The following SPTB variants were observed in gnomAD, a reference collection of about 807,000 sequenced individuals.
SPTB encodes the protein spectrin beta, erythrocytic.
SPTB carries 45 observed loss-of-function variants against 256.2 expected under a neutral mutation model. That is an observed-to-expected ratio of 0.18 (90% CI 0.14 to 0.23). The LOEUF (loss-of-function observed/expected upper bound fraction) is 0.23, where lower values mean the gene tolerates loss of function less well. Ranked by LOEUF, SPTB falls within the 10% of genes least tolerant of loss-of-function variation. The pLI is 1.00. For synonymous variants in SPTB, 1,231 were observed against 1,243.1 expected, an observed-to-expected ratio of 0.99 and a Z score of 0.21; for missense variants, 2,715 against 3,040.4, an observed-to-expected ratio of 0.89 and a Z score of 2.52.
chr14:64,879,884 A>G lies in SPTB; in HGVS notation c.-144T>C. ...GAGGGCAGCGCGGGGCTCCTGGCAC[A>G]GCGGCCGCCGGGCGCCTGGTGCTGC... is the stretch of plus-strand genomic sequence containing the variant. On this transcript the variant is annotated 5_prime_UTR_variant, in exon 1 of 36. Coordinates refer to ENST00000644917, the MANE Select transcript of SPTB (RefSeq NM_001355436.2). The G allele has an allele frequency of 6.5e-6, 1 of 153,160 alleles. No individual in the cohort carries two copies. Among genetic ancestry groups the G allele is most frequent in the Non-Finnish European group, 1.5e-5 (1 of 68,580 alleles). 9.5% of individuals were successfully genotyped at this position (153,160 alleles called of 1,614,324 possible).
At position 64,764,472 on chromosome 14, in the gene SPTB, AT is replaced by A. The variant is rs200242276; in HGVS notation, c.6345+2253del. On this transcript the variant is annotated intron_variant, in intron 32 of 35. Coordinates refer to ENST00000644917, the MANE Select transcript of SPTB (RefSeq NM_001355436.2). The surrounding 1 kb of genome is among the most constrained non-coding windows in gnomAD (Gnocchi z 4.2). ...GTACCGGGCACAAGCCAGTCTTCCCATCTGCTGGAGTGGCTGGCTCTCCGGA... is the reference window on the plus strand; with the variant it reads ...GTACCGGGCACAAGCCAGTCTTCCCACTGCTGGAGTGGCTGGCTCTCCGGA... Among the ~76,000 whole-genome samples the A allele has an allele frequency of 0.01, 1,549 of 152,290 alleles. 22 individuals are homozygous for A. Among genetic ancestry groups the A allele is most frequent in the African/African-American group, 0.036 (1,485 of 41,538 alleles).
In SPTB at chr14:64,772,524, G is replaced by T; in HGVS notation, c.5553+56C>A. 1 of 1,593,594 alleles carries T rather than the reference G, an allele frequency of 6.3e-7. No homozygotes were observed. The highest frequency in any genetic ancestry group is 1.1e-5 in the South Asian group (1 of 89,896). Reference sequence around the variant, plus strand: ...TCCTGCTGACAGCCAGGTGGGGACTGACACCCAGGGCTCCTGGAAATTGGT... The same window carrying T: ...TCCTGCTGACAGCCAGGTGGGGACTTACACCCAGGGCTCCTGGAAATTGGT... On this transcript the variant is annotated intron_variant, in intron 26 of 35. Transcript: ENST00000644917. This position sits in a 1 kb window ranked among gnomAD's most constrained non-coding sequence, Gnocchi z 5.4.
chr14:64,794,761 TG>T, intron 12 of SPTB, 144 bp from the exon 13 acceptor site: 1 of 1,055,660 alleles, frequency 9.5e-7, no homozygotes, highest in Non-Finnish European at 1.4e-6. Context: ...CTGCTGAGGA[TG>T]GAAGAAGCTC....
intron 1 of SPTB, among the ~76,000 whole-genome samples, chr14:64,860,205 T>C (rs1460565427): frequency 1.3e-5 from 2 of 152,190 alleles, no homozygotes; most frequent in South Asian, 2.1e-4. Flanking sequence ...AAAGAAAGTA[T>C]ATTCACACCC....
In SPTB at chr14:64,785,948, AT is replaced by A; in HGVS notation, c.3564del (p.Glu1188AspfsTer38). ...KQAEAILSNQEYTLAHLEPPD... is the reference protein window; with the variant it reads ...KQAEAILSNQXYTLAHLEPPD... ...GGGGGCTCCAAGTGAGCCAGAGTGT[AT>A]TCCTGTTGGAACAAGTTTCCAGACA... is the stretch of plus-strand genomic sequence containing the variant. On this transcript the variant is annotated frameshift_variant and splice_region_variant, in exon 17 of 36. Coordinates refer to ENST00000644917, the MANE Select transcript of SPTB (RefSeq NM_001355436.2). LOFTEE classifies it high-confidence loss of function. The surrounding 1 kb of genome is among the most constrained non-coding windows in gnomAD (Gnocchi z 4.4). 1 of 1,614,016 alleles carries A rather than the reference AT, an allele frequency of 6.2e-7. No individual in the cohort carries two copies. The highest frequency in any genetic ancestry group is 8.5e-7 in the Non-Finnish European group (1 of 1,180,018).
intron 1 of SPTB, among the ~76,000 whole-genome samples, chr14:64,864,977 G>A (rs1005050809): frequency 6.6e-6 from 1 of 152,140 alleles, no homozygotes; most frequent in Non-Finnish European, 1.5e-5. Flanking sequence ...AAATAAGGGA[G>A]CTGAACAAGA....
intron 15 of SPTB, among the ~76,000 whole-genome samples, chr14:64,788,770 C>T (rs955395852): frequency 2.0e-5 from 3 of 152,178 alleles, no homozygotes; most frequent in South Asian, 2.1e-4. Flanking sequence ...ACACTTGCCC[C>T]CTCCACTGCA....
chr14:64,879,549 C>T (rs976570456), intron 1 of SPTB, among the ~76,000 whole-genome samples: 1 of 152,212 alleles, frequency 6.6e-6, no homozygotes, highest in African/African-American at 2.4e-5. Context: ...GCACCAAGTG[C>T]CTCGGACGCC....
intron 1 of SPTB, among the ~76,000 whole-genome samples, chr14:64,875,489 T>TCC (rs944005671): frequency 8.5e-4 from 130 of 152,190 alleles, no homozygotes; most frequent in African/African-American, 2.8e-3. Flanking sequence ...CCTGACTGCC[T>TCC]CCTACGCTCT....
intron 9 of SPTB, 24 bp downstream of exon 9, chr14:64,799,723 C>A (rs756006727): frequency 1.2e-6 from 2 of 1,613,646 alleles, no homozygotes; most frequent in Non-Finnish European, 1.7e-6. Context: ...TGAGGACCAC[C>A]CTCCCATGTG....
At position 64,747,838 on chromosome 14, in the gene SPTB, T is replaced by A. The variant is rs2081872677; in HGVS notation, c.*1468A>T. The A allele has an allele frequency of 7.9e-6, 1 of 126,280 alleles. No homozygotes were observed. The highest frequency in any genetic ancestry group is 8.9e-5 in the Admixed American group (1 of 11,264). 7.8% of individuals were successfully genotyped at this position (126,280 alleles called of 1,614,324 possible). A position where few individuals can be genotyped will look rare whatever the true frequency, so the allele number is the denominator to read the frequency against. On this transcript the variant is annotated 3_prime_UTR_variant, in exon 36 of 36. Transcript: ENST00000644917. ...CCCCCGACCCGCTTGACTGCTCTCT[T>A]GGACCTAACCCTAGTTTGATACTGG... is the stretch of plus-strand genomic sequence containing the variant.
chr14:64,782,375 C>A lies in SPTB; in HGVS notation c.4181G>T (p.Trp1394Leu). Residue 1394 changes from tryptophan (W) to leucine (L), a missense_variant, in exon 20 of 36, where the codon TGG (tryptophan) becomes TTG (leucine). Physicochemically the swap from Trp to Leu is moderately conservative, Grantham distance 61. This residue lies in a region of SPTB where 2,239 missense variants were observed against 2,384.4 expected (regional missense o/e 0.94). Transcript: ENST00000644917. ...RLQTHADLNK[W>L]ISAMEDQLRS... The stretch of plus-strand genomic sequence containing the variant: ...CAGCTGGTCCTCCATGGCGCTGATC[C>A]ACTTGTTGAGGTCAGCATGGGTCTG... 6.2e-7 allele frequency: 1 copy of A among 1,614,166 alleles called. No individual in the cohort carries two copies. The highest frequency in any genetic ancestry group is 8.5e-7 in the Non-Finnish European group (1 of 1,180,040).
In SPTB at chr14:64,792,697, C is replaced by T. The variant is rs2082694171; in HGVS notation, c.2666+300G>A. On this transcript the variant is annotated intron_variant, in intron 14 of 35. Transcript: ENST00000644917. This position sits in a 1 kb window ranked among gnomAD's most constrained non-coding sequence, Gnocchi z 4.2. Reference sequence around the variant, plus strand: ...GTAGCTCCATTTTTCCTCTGTGTGACCTGGGGGTTCCATACACAATTCATC... The same window carrying T: ...GTAGCTCCATTTTTCCTCTGTGTGATCTGGGGGTTCCATACACAATTCATC... 6.6e-6 allele frequency among the ~76,000 whole-genome samples: 1 copy of T among 152,148 alleles called. No individual in the cohort carries two copies. The highest frequency in any genetic ancestry group is 6.5e-5 in the Admixed American group (1 of 15,278).
intron 1 of SPTB, among the ~76,000 whole-genome samples, chr14:64,838,709 G>A (rs1015135643): frequency 6.6e-6 from 1 of 151,598 alleles, no homozygotes; most frequent in African/African-American, 2.4e-5. Flanking sequence ...CTATCAGAAC[G>A]GCTTTAAAAA....
chr14:64,787,400 A>G (rs2082592355), intron 15 of SPTB, among the ~76,000 whole-genome samples: 2 of 152,270 alleles, frequency 1.3e-5, no homozygotes, highest in South Asian at 2.1e-4. Flanking sequence ...GGGGCAATTA[A>G]TTATGTGACT....
chr14:64,872,118 C>A (rs1337305662), intron 1 of SPTB, among the ~76,000 whole-genome samples: 1 of 152,060 alleles, frequency 6.6e-6, no homozygotes, highest in Non-Finnish European at 1.5e-5. Context: ...CAAGACTATT[C>A]CAAGTCAACA....
At chr14:64,818,571 G>C (rs754456449) in intron 2 of SPTB, among the ~76,000 whole-genome samples, 20 of 152,182 alleles carry the variant, frequency 1.3e-4, no homozygotes, top group Non-Finnish European at 2.6e-4. Flanking sequence ...GTACCCAGGT[G>C]CAGGGAAGGG....
In SPTB at chr14:64,841,907, G is replaced by A. The variant is rs551911519; in HGVS notation, c.-51-18762C>T. Among the ~76,000 whole-genome samples, 7 of 152,304 alleles carry A rather than the reference G, an allele frequency of 4.6e-5. No homozygotes were observed. In the South Asian group the frequency reaches 8.3e-4, roughly 18 times the overall value. Reference sequence around the variant, plus strand: ...GCTCTCCTCATATCTGTTAAAGAGCGCGGCAAATGTTATCTGGAAGCAGCC... The same window carrying A: ...GCTCTCCTCATATCTGTTAAAGAGCACGGCAAATGTTATCTGGAAGCAGCC... On this transcript the variant is annotated intron_variant, in intron 1 of 35. Coordinates refer to ENST00000644917, the MANE Select transcript of SPTB (RefSeq NM_001355436.2). This position sits in a 1 kb window ranked among gnomAD's most constrained non-coding sequence, Gnocchi z 4.6.
chr14:64,815,078 C>T (rs2083165470), intron 2 of SPTB, among the ~76,000 whole-genome samples: 1 of 151,950 alleles, frequency 6.6e-6, no homozygotes, highest in South Asian at 2.1e-4. Flanking sequence ...TGAATTTATC[C>T]AGAGCAAGGC....
Sources: gnomAD v4.1 joint callset for allele counts (sites outside exome capture counted in the v4.1 genomes callset) on GRCh38, gnomAD v4.1.1 for gene constraint, gnomAD v4.1.1 regional missense constraint, Gnocchi (gnomAD v3.1) non-coding constraint, MANE v1.5 for transcripts, NCBI Gene and HGNC (gene_info 2026-07-23, HGNC 2026-07-21) for gene names.